FRMD4A: variants seen among roughly 807,000 people sequenced by gnomAD.
The protein encoded by FRMD4A is FERM domain containing 4A.
A neutral mutation model predicts 129.1 loss-of-function variants in FRMD4A; 29 were observed. The ratio of observed to expected loss-of-function variants is 0.22; its 90% confidence interval spans 0.17 to 0.31. The LOEUF (loss-of-function observed/expected upper bound fraction) is 0.31. FRMD4A is among the 10% of genes least tolerant of loss of function. FRMD4A has a pLI of 1.00. For missense variants in FRMD4A, 1,272 were observed against 1,375.8 expected (o/e 0.92, Z 1.19); for synonymous variants, 634 against 571.6 (o/e 1.11, Z -1.56).
chr10:14,146,828 C>T (rs1453356327), intron 2 of FRMD4A, among the ~76,000 whole-genome samples: 1 of 152,222 alleles, frequency 6.6e-6, no homozygotes, highest in Non-Finnish European at 1.5e-5. Flanking sequence ...GCACATGAGT[C>T]AACTGATGGA....
intron 2 of FRMD4A, chr10:13,890,898 T>G: frequency 1.0e-6 from 1 of 977,440 alleles, no homozygotes; most frequent in Non-Finnish European, 1.2e-6. Flanking sequence ...AGAATACGCC[T>G]GAATGTACGA....
chr10:13,781,656 G>A (rs1163491554), intron 6 of FRMD4A, among the ~76,000 whole-genome samples: 1 of 152,018 alleles, frequency 6.6e-6, no homozygotes, highest in Non-Finnish European at 1.5e-5. Flanking sequence ...GGGATTACAG[G>A]CATGAGCCAC....
chr10:13,654,680 C>T (rs1052334475), intron 22 of FRMD4A, 168 bp from the exon 23 acceptor site: 4 of 601,024 alleles, frequency 6.7e-6, no homozygotes, highest in Non-Finnish European at 1.2e-5. Flanking sequence ...GGCATGGTCA[C>T]AGTGGGCAAC....
At chr10:13,735,810 G>A (rs1420052848) in intron 12 of FRMD4A, among the ~76,000 whole-genome samples, 1 of 152,172 alleles carries the variant, frequency 6.6e-6, no homozygotes, top group East Asian at 1.9e-4. Flanking sequence ...AAAGGCTTTA[G>A]GGAGTATTCT....
At chr10:14,187,520 A>G (rs970791670) in intron 2 of FRMD4A, among the ~76,000 whole-genome samples, 5 of 152,166 alleles carry the variant, frequency 3.3e-5, no homozygotes, top group South Asian at 2.1e-4. Flanking sequence ...TTCGACCTAT[A>G]TCCCATGCCT....
intron 2 of FRMD4A, among the ~76,000 whole-genome samples, chr10:14,122,338 G>A (rs143574267): frequency 0.014 from 2,140 of 152,202 alleles, 23 homozygotes; most frequent in Non-Finnish European, 0.022. Flanking sequence ...TTTTTTATAC[G>A]TAAAAAACGT....
Position 13,733,824 on chromosome 10 carries a change from C to A in FRMD4A, c.759+4020G>T, listed in dbSNP as rs1011928720. On this transcript the variant is annotated intron_variant, in intron 12 of 24. Coordinates refer to ENST00000357447, the MANE Select transcript of FRMD4A (RefSeq NM_018027.5). ...TCAGAGCCCATGCAACGGAAGCTGC[C>A]TCTGCATCTCACCGTGATCGTCGTG... 5.3e-5 allele frequency among the ~76,000 whole-genome samples: 8 copies of A among 152,242 alleles called. No homozygotes were observed. The South Asian group carries it at 1.7e-3, about 32-fold the overall frequency.
intron 2 of FRMD4A, among the ~76,000 whole-genome samples, chr10:14,194,628 C>CA: frequency 6.6e-6 from 1 of 152,210 alleles, no homozygotes; most frequent in Non-Finnish European, 1.5e-5. Context: ...ACAACAACAA[C>CA]AAAAAACCAA....
chr10:14,319,363 T>TCA (rs1846885169), intron 2 of FRMD4A, among the ~76,000 whole-genome samples: 1 of 144,286 alleles, frequency 6.9e-6, no homozygotes, highest in South Asian at 2.2e-4. Flanking sequence ...TCTCTCTCTC[T>TCA]CTCTCACACA....
intron 2 of FRMD4A, among the ~76,000 whole-genome samples, chr10:14,156,747 G>A (rs1840621659): frequency 1.3e-5 from 2 of 152,158 alleles, no homozygotes; most frequent in African/African-American, 2.4e-5. Flanking sequence ...ACACTTTAAT[G>A]GGAACCTTAG....
intron 5 of FRMD4A, among the ~76,000 whole-genome samples, chr10:13,795,860 T>G (rs1032732730): frequency 6.6e-6 from 1 of 152,230 alleles, no homozygotes; most frequent in Admixed American, 6.5e-5. Context: ...AGTCCTGTTG[T>G]CTTCATAAGA....
chr10:13,982,123 G>T (rs2095563815), intron 2 of FRMD4A, among the ~76,000 whole-genome samples: 1 of 151,928 alleles, frequency 6.6e-6, no homozygotes, highest in African/African-American at 2.4e-5. Context: ...CCCAAAGCCA[G>T]CCATAAAACC....
chr10:14,325,133 T>C (rs893775541), intron 2 of FRMD4A, among the ~76,000 whole-genome samples: 4 of 152,200 alleles, frequency 2.6e-5, no homozygotes, highest in African/African-American at 9.7e-5. Flanking sequence ...ATAGAGATTA[T>C]TAATGTAAGA....
Position 13,854,848 on chromosome 10 carries a change from G to A in FRMD4A, c.111+3999C>T, listed in dbSNP as rs527468696. On this transcript the variant is annotated intron_variant, in intron 3 of 24. Transcript: ENST00000357447. ...GGCAATCTGTCTATGCAACCTGCAT[G>A]TGTCCACAACCAAGGCTGCAGGCAT... Among the ~76,000 whole-genome samples, 5 of 152,290 alleles carry A rather than the reference G, an allele frequency of 3.3e-5. No homozygotes were observed. The East Asian group carries it at 5.8e-4, about 18-fold the overall frequency.
intron 16 of FRMD4A, among the ~76,000 whole-genome samples, chr10:13,671,663 G>C (rs377387351): frequency 3.9e-5 from 6 of 152,264 alleles, no homozygotes; most frequent in East Asian, 1.9e-4. Flanking sequence ...TTAGAATCAG[G>C]CTCTCTGTGA....
chr10:13,853,435 G>A lies in FRMD4A; in HGVS notation c.111+5412C>T, dbSNP rs188908916. On this transcript the variant is annotated intron_variant, in intron 3 of 24. Coordinates refer to ENST00000357447, the MANE Select transcript of FRMD4A (RefSeq NM_018027.5). ...ATCTGTTAGCCCCAGCTACTGGAGAGGCTGAGATGGGAGGATCACTTGAGC... is the reference window on the plus strand; with the variant it reads ...ATCTGTTAGCCCCAGCTACTGGAGAAGCTGAGATGGGAGGATCACTTGAGC... Among the ~76,000 whole-genome samples, 230 of 152,318 alleles carry A rather than the reference G, an allele frequency of 1.5e-3. 1 individual carries two copies. The highest frequency in any genetic ancestry group is 2.8e-3 in the Admixed American group (43 of 15,306).
At chr10:13,942,030 C>G (rs2095296514) in intron 2 of FRMD4A, among the ~76,000 whole-genome samples, 1 of 152,184 alleles carries the variant, frequency 6.6e-6, no homozygotes, top group Non-Finnish European at 1.5e-5. Flanking sequence ...CTCCAGCTAC[C>G]CTCCTTGGTG....
intron 2 of FRMD4A, among the ~76,000 whole-genome samples, chr10:13,918,539 T>C (rs1206205253): frequency 6.6e-6 from 1 of 151,948 alleles, no homozygotes; most frequent in African/African-American, 2.4e-5. Context: ...TACAATTTTC[T>C]TTTTTTTGAG....
chr10:13,729,295 G>C (rs2090155248), intron 12 of FRMD4A: 1 of 152,102 alleles, frequency 6.6e-6, no homozygotes, highest in Non-Finnish European at 1.5e-5. Context: ...GGTGTGCACA[G>C]GGTGTGGCTT....
Sources: gnomAD v4.1 joint callset for allele counts (sites outside exome capture counted in the v4.1 genomes callset) on GRCh38, gnomAD v4.1.1 for gene constraint, MANE v1.5 for transcripts, NCBI Gene and HGNC (gene_info 2026-07-23, HGNC 2026-07-21) for gene names.